Variants in DLGAP2 observed in about 807,000 individuals in gnomAD.
DLGAP2 encodes the protein DLG associated protein 2.
DLGAP2 carries 26 observed loss-of-function variants against 100.3 expected under a neutral mutation model. That is an observed-to-expected ratio of 0.26 (90% confidence interval 0.19 to 0.36). The LOEUF (loss-of-function observed/expected upper bound fraction) is 0.36, where lower values mean the gene tolerates loss of function less well. Among genes scored for constraint, DLGAP2 ranks in the 10% least tolerant of loss-of-function variants. The pLI is 1.00. For synonymous variants in DLGAP2, 886 were observed against 630.1 expected, an observed-to-expected ratio of 1.41 and a Z score of -6.08; for missense variants, 1,858 against 1,453.2, an observed-to-expected ratio of 1.28 and a Z score of -4.53.
intron 2 of DLGAP2, among the ~76,000 whole-genome samples, chr8:943,731 A>G (rs1199857083): frequency 6.6e-6 from 1 of 152,272 alleles, no homozygotes; most frequent in Non-Finnish European, 1.5e-5. Context: ...CCATCCCGCC[A>G]CAAGCACAGC....
intron 2 of DLGAP2, among the ~76,000 whole-genome samples, chr8:1,028,183 T>G (rs1240814784): frequency 6.1e-3 from 260 of 42,732 alleles, no homozygotes; most frequent in Non-Finnish European, 6.6e-3. Context: ...TATTCTCCAG[T>G]TGGGGTGCCA....
chr8:1,559,832 G>A (rs932308475), intron 5 of DLGAP2, among the ~76,000 whole-genome samples: 1 of 152,180 alleles, frequency 6.6e-6, no homozygotes, highest in African/African-American at 2.4e-5. Flanking sequence ...CTGGGTGGCC[G>A]GGCCTCCTTC....
chr8:1,572,390 TGGAGA>T lies in DLGAP2; in HGVS notation c.1442+6503_1442+6507del, dbSNP rs762323123. Among the ~76,000 whole-genome samples, 37 of 74,102 alleles carry T rather than the reference TGGAGA, an allele frequency of 5.0e-4. 1 individual carries two copies. The highest frequency in any genetic ancestry group is 0.013 in the Middle Eastern group (1 of 76). 48.6% of individuals were successfully genotyped at this position (74,102 alleles called of 152,430 possible). On this transcript the variant is annotated intron_variant, in intron 6 of 14. Transcript: ENST00000637795. ...GTGAACTGTGGGTTGTCTGATGAGATGGAGAGGAGAGAGGGGTGAACTGTGGGGGC... is the reference window on the plus strand; with the variant it reads ...GTGAACTGTGGGTTGTCTGATGAGATGGAGAGAGGGGTGAACTGTGGGGGC...
intron 2 of DLGAP2, among the ~76,000 whole-genome samples, chr8:1,124,905 C>T (rs1796130713): frequency 6.6e-6 from 1 of 152,170 alleles, no homozygotes; most frequent in Admixed American, 6.5e-5. Flanking sequence ...GCTGAGGCTG[C>T]CCTCAGAAGG....
chr8:1,517,936 A>G (rs987592405), intron 4 of DLGAP2, among the ~76,000 whole-genome samples: 2 of 152,240 alleles, frequency 1.3e-5, no homozygotes, highest in Non-Finnish European at 2.9e-5. Context: ...TGGACCTGGG[A>G]ACTTTCTGGA....
At chr8:1,489,383 T>G (rs1165876504) in intron 3 of DLGAP2, among the ~76,000 whole-genome samples, 1 of 152,170 alleles carries the variant, frequency 6.6e-6, no homozygotes, top group Non-Finnish European at 1.5e-5. Flanking sequence ...GTGGGTGTCT[T>G]TCTAGATCGC....
intron 6 of DLGAP2, among the ~76,000 whole-genome samples, chr8:1,597,315 C>T (rs1377870928): frequency 6.6e-6 from 1 of 151,122 alleles, no homozygotes; most frequent in Non-Finnish European, 1.5e-5. Context: ...CAGCTTTGTT[C>T]TTTTTGCTTA....
At chr8:847,097 A>G (rs955789053) in intron 1 of DLGAP2, among the ~76,000 whole-genome samples, 1 of 152,198 alleles carries the variant, frequency 6.6e-6, no homozygotes, top group African/African-American at 2.4e-5. Flanking sequence ...GCCATTAAAA[A>G]CACATGGGCC....
chr8:1,062,741 G>C (rs924423749), intron 2 of DLGAP2, among the ~76,000 whole-genome samples: 1 of 152,142 alleles, frequency 6.6e-6, no homozygotes, highest in Non-Finnish European at 1.5e-5. Flanking sequence ...GTAGTTGGGG[G>C]GAGACTAGTA....
At chr8:951,721 C>T (rs921588477) in intron 2 of DLGAP2, among the ~76,000 whole-genome samples, 1 of 152,290 alleles carries the variant, frequency 6.6e-6, no homozygotes, top group East Asian at 1.9e-4. Flanking sequence ...ATTAGAGCAT[C>T]GTCATTCAGA....
At chr8:1,178,939 C>A (rs1168817830) in intron 2 of DLGAP2, among the ~76,000 whole-genome samples, 3 of 152,158 alleles carry the variant, frequency 2.0e-5, no homozygotes, top group Admixed American at 6.5e-5. Context: ...GGCCTCTGCA[C>A]CTGGGGCCCA....
At chr8:1,513,635 C>T (rs180730674) in intron 4 of DLGAP2, among the ~76,000 whole-genome samples, 23 of 152,356 alleles carry the variant, frequency 1.5e-4, no homozygotes, top group African/African-American at 5.5e-4. Context: ...GCTAAGCCCT[C>T]CTGGTCGTGT....
intron 2 of DLGAP2, among the ~76,000 whole-genome samples, chr8:934,919 G>A (rs1799035829): frequency 6.6e-6 from 1 of 152,186 alleles, no homozygotes; most frequent in Non-Finnish European, 1.5e-5. Flanking sequence ...CCTCTTTAAA[G>A]TCTAAAGAGC....
chr8:1,333,433 C>T (rs1312465494), intron 3 of DLGAP2, among the ~76,000 whole-genome samples: 1 of 152,168 alleles, frequency 6.6e-6, no homozygotes, highest in African/African-American at 2.4e-5. Context: ...ACTGTGATCT[C>T]GTCCCTGACA....
chr8:1,346,913 G>A, intron 3 of DLGAP2, among the ~76,000 whole-genome samples: 1 of 151,514 alleles, frequency 6.6e-6, no homozygotes, highest in African/African-American at 2.4e-5. Context: ...TGTGGAGGTT[G>A]AGTTCCCATA....
intron 4 of DLGAP2, among the ~76,000 whole-genome samples, chr8:1,528,672 T>C (rs1800878495): frequency 6.6e-6 from 1 of 152,210 alleles, no homozygotes; most frequent in Non-Finnish European, 1.5e-5. Context: ...CCATTGCAGC[T>C]GTAGGGACAG....
chr8:1,022,671 C>T (rs998214745), intron 2 of DLGAP2, among the ~76,000 whole-genome samples: 1 of 150,112 alleles, frequency 6.7e-6, no homozygotes, highest in Non-Finnish European at 1.5e-5. Context: ...GGTCCCGTGC[C>T]GAGGTAGACG....
chr8:1,548,851 A>C lies in DLGAP2; in HGVS notation c.398A>C (p.His133Pro), dbSNP rs1400507851. 1 of 1,581,576 alleles carries C rather than the reference A, an allele frequency of 6.3e-7. No homozygotes were observed. Among genetic ancestry groups the C allele is most frequent in the East Asian group, 2.3e-5 (1 of 44,032 alleles). ...SPADSCPGGR[H>P]RCSPRSSVHS... is the part of the protein sequence containing the mutation. The stretch of plus-strand genomic sequence containing the variant: ...GCCGACAGCTGCCCCGGGGGGCGCC[A>C]CCGCTGCTCGCCGCGCAGCTCGGTG... Residue 133 changes from histidine (H) to proline (P), a missense_variant, in exon 5 of 15, where the codon CAC becomes CCC. Physicochemically the swap from His to Pro is moderately conservative, Grantham distance 77 (BLOSUM62 -2). Coordinates refer to ENST00000637795, the MANE Select transcript of DLGAP2 (RefSeq NM_001346810.2).
At chr8:1,525,809 T>C (rs1800774191) in intron 4 of DLGAP2, among the ~76,000 whole-genome samples, 1 of 152,162 alleles carries the variant, frequency 6.6e-6, no homozygotes. Context: ...CATTGGGTAG[T>C]GACGGGACCT....
Sources: allele counts gnomAD v4.1 joint callset (sites outside exome capture counted in the v4.1 genomes callset), GRCh38; gene constraint gnomAD v4.1.1; transcripts MANE v1.5; gene names NCBI Gene and HGNC (gene_info 2026-07-23, HGNC 2026-07-21).